The following KCTD19 variants were observed in gnomAD, a reference collection of about 807,000 sequenced individuals.
The protein encoded by KCTD19 is BTB/POZ domain-containing protein KCTD19.
Under a neutral mutation model 103.5 loss-of-function variants are expected in KCTD19, and 67 were observed. That is an observed-to-expected ratio of 0.65 (90% CI 0.53 to 0.79). The LOEUF is 0.79. Among genes scored for constraint, KCTD19 ranks in the 30% least tolerant of loss-of-function variants. The pLI is 0.00. For synonymous variants in KCTD19, 439 were observed against 452.2 expected, an observed-to-expected ratio of 0.97 and a Z score of 0.37; for missense variants, 980 against 1,136.1, an observed-to-expected ratio of 0.86 and a Z score of 1.98.
chr16:67,291,881 AT>A, intron 12 of KCTD19, 44 bp from the exon 13 acceptor site: 12 of 1,406,220 alleles, frequency 8.5e-6, no homozygotes, highest in Admixed American at 2.5e-5. Flanking sequence ...TTAAAAAAAA[AT>A]TTTTTTTCAA....
At chr16:67,297,411 C>T (rs1285409921) in intron 7 of KCTD19, 92 bp downstream of exon 7, 4 of 1,281,272 alleles carry the variant, frequency 3.1e-6, no homozygotes, top group African/African-American at 1.5e-5. Context: ...CCTCCATCTA[C>T]AGTTCCTCGT....
At chr16:67,302,241 A>C in intron 4 of KCTD19, 1 of 264,274 alleles carries the variant, frequency 3.8e-6, no homozygotes, top group Non-Finnish European at 7.3e-6. Flanking sequence ...AGAGCAGGTC[A>C]TTCCAAAAGA....
chr16:67,311,099 G>C (rs766194366), intron 2 of KCTD19, among the ~76,000 whole-genome samples: 23 of 152,220 alleles, frequency 1.5e-4, no homozygotes, highest in Non-Finnish European at 2.6e-4. Context: ...CAGGTACTGT[G>C]AGAGGTGCTA....
intron 2 of KCTD19, among the ~76,000 whole-genome samples, chr16:67,309,192 C>A (rs2036925830): frequency 6.6e-6 from 1 of 151,014 alleles, no homozygotes; most frequent in Non-Finnish European, 1.5e-5. Flanking sequence ...GGCTGATTCT[C>A]TGCAAAGAAA....
Position 67,289,527 on chromosome 16 carries a change from G to T in KCTD19, c.*42C>A. ...TCTGGGCTATCTCCAATTAAAATGA[G>T]ACTTGGCGGGTGGGGCATGAGGGGC... On this transcript the variant is annotated 3_prime_UTR_variant, in exon 16 of 16. Transcript: ENST00000304372. 1 of 1,199,020 alleles carries T rather than the reference G, an allele frequency of 8.3e-7. No homozygotes were observed. The highest frequency in any genetic ancestry group is 1.2e-6 in the Non-Finnish European group (1 of 803,090). 74.3% of individuals were successfully genotyped at this position (1,199,020 alleles called of 1,614,324 possible).
intron 4 of KCTD19, chr16:67,302,795 G>C (rs1270982345): frequency 3.9e-6 from 1 of 255,658 alleles, no homozygotes; most frequent in African/African-American, 2.3e-5. Context: ...GAGGCCGGAA[G>C]ACCAGCTGGA....
intron 2 of KCTD19, among the ~76,000 whole-genome samples, chr16:67,316,218 T>A (rs968310573): frequency 6.6e-6 from 1 of 151,942 alleles, no homozygotes; most frequent in Non-Finnish European, 1.5e-5. Flanking sequence ...ATTAAAAAAA[T>A]TTTTTTGTAG....
rs1386044039 is a variant in KCTD19 at position 67,300,464 on chromosome 16, A to G, written c.776-891T>C. ...GCTCCCAGAGCCTGGCTGTCAACAC[A>G]CTTCCTCCATCTTTGCATTGCTCTG... On this transcript the variant is annotated intron_variant, in intron 5 of 15. Transcript: ENST00000304372. The surrounding 1 kb of genome is among the most constrained non-coding windows in gnomAD (Gnocchi z 4.5). The G allele has an allele frequency of 1.3e-5, 2 of 152,208 alleles. No individual in the cohort carries two copies. The highest frequency in any genetic ancestry group is 6.5e-5 in the Admixed American group (1 of 15,272). 9.4% of individuals were successfully genotyped at this position (152,208 alleles called of 1,614,324 possible).
chr16:67,297,789 C>A, intron 6 of KCTD19, 126 bp from the exon 7 acceptor site: 1 of 848,452 alleles, frequency 1.2e-6, no homozygotes, highest in Non-Finnish European at 1.8e-6. Context: ...TCATTAACAT[C>A]GTTTCCTTGT....
chr16:67,291,415 G>T lies in KCTD19; in HGVS notation c.2459C>A (p.Ala820Glu). 1 of 1,614,194 alleles carries T rather than the reference G, an allele frequency of 6.2e-7. No homozygotes were observed. The highest frequency in any genetic ancestry group is 8.5e-7 in the Non-Finnish European group (1 of 1,180,022). ...FSLSWEEMFY[A>E]QKCHCFLADI... The stretch of plus-strand genomic sequence containing the variant: ...AGCCAGGAAGCAGTGACATTTCTGT[G>T]CATAAAACATCTCTTCCCAGGACAG... Residue 820 changes from alanine to glutamate, a missense_variant, in exon 14 of 16, where the codon GCA (alanine) becomes GAA (glutamate). By Grantham distance (107) the Ala-to-Glu change is moderately radical. Coordinates refer to ENST00000304372, the MANE Select transcript of KCTD19 (RefSeq NM_001100915.3).
In KCTD19 at chr16:67,289,651, C is replaced by T. The variant is rs1597390271; in HGVS notation, c.2699G>A (p.Arg900Gln). The change falls in exon 16 of 16, where the codon CGA becomes CAA. Residue 900 changes from arginine (R) to glutamine (Q), a missense_variant. Physicochemically the swap from Arg to Gln is conservative, Grantham distance 43 (BLOSUM62 1). Transcript: ENST00000304372. ...LTLPFARKYGRCMDLLIQRGL... is the reference protein window; with the variant it reads ...LTLPFARKYGQCMDLLIQRGL... ...CCTCTGGATGAGCAGGTCCATGCAT[C>T]GGCCATATTTCCTGGCGAAGGGCAG... The T allele has an allele frequency of 3.1e-6, 5 of 1,613,994 alleles. No individual in the cohort carries two copies. Among genetic ancestry groups the T allele is most frequent in the Non-Finnish European group, 2.5e-6 (3 of 1,179,936 alleles).
Position 67,303,108 on chromosome 16 carries a change from C to CGGGGGGGGGGGGGGGG in KCTD19, c.643+37_643+38insCCCCCCCCCCCCCCCC. ...ATGGGGAGGGGTGAATGGGCCCTATCAGCCCGCCCCCCACCCCACCCCGGA... is the reference window on the plus strand; with the variant it reads ...ATGGGGAGGGGTGAATGGGCCCTATCGGGGGGGGGGGGGGGGAGCCCGCCCCCCACCCCACCCCGGA... On this transcript the variant is annotated intron_variant, in intron 4 of 15. Transcript: ENST00000304372. The surrounding 1 kb of genome is among the most constrained non-coding windows in gnomAD (Gnocchi z 4.3). The CGGGGGGGGGGGGGGGG allele has an allele frequency of 2.5e-6, 2 of 798,078 alleles. No individual in the cohort carries two copies. Among genetic ancestry groups the CGGGGGGGGGGGGGGGG allele is most frequent in the Non-Finnish European group, 4.2e-6 (2 of 476,660 alleles). The allele number at this position is 798,078 out of a possible 1,614,324, so 49.4% of individuals were successfully genotyped here.
intron 2 of KCTD19, among the ~76,000 whole-genome samples, chr16:67,312,850 A>C (rs2036963288): frequency 6.6e-6 from 1 of 152,138 alleles, no homozygotes; most frequent in Non-Finnish European, 1.5e-5. Context: ...ATTATCTTTC[A>C]TCTGGATACT....
chr16:67,304,116 G>A (rs983978403), intron 3 of KCTD19, among the ~76,000 whole-genome samples: 1 of 152,222 alleles, frequency 6.6e-6, no homozygotes, highest in Non-Finnish European at 1.5e-5. Context: ...CATTCTGTGT[G>A]TGGTGGTTGG....
At position 67,291,413 on chromosome 16, in the gene KCTD19, G is replaced by T. The variant is rs1434797788; in HGVS notation, c.2461C>A (p.Gln821Lys). 3 of 1,614,202 alleles carry T rather than the reference G, an allele frequency of 1.9e-6. No homozygotes were observed. Among genetic ancestry groups the T allele is most frequent in the Non-Finnish European group, 2.5e-6 (3 of 1,180,018 alleles). The stretch of plus-strand genomic sequence containing the variant: ...TCAGCCAGGAAGCAGTGACATTTCT[G>T]TGCATAAAACATCTCTTCCCAGGAC... ...SLSWEEMFYA[Q>K]KCHCFLADII... Residue 821 changes from glutamine to lysine, a missense_variant, in exon 14 of 16, where the codon CAG becomes AAG. Transcript: ENST00000304372.
chr16:67,318,992 G>A (rs940274313), intron 2 of KCTD19, among the ~76,000 whole-genome samples: 1 of 152,194 alleles, frequency 6.6e-6, no homozygotes, highest in Non-Finnish European at 1.5e-5. Flanking sequence ...GGAGGCTGAG[G>A]CGGGTGGATC....
At position 67,293,778 on chromosome 16, in the gene KCTD19, G is replaced by A. The variant is rs1419817075; in HGVS notation, c.1984C>T (p.Pro662Ser). 2 of 1,613,866 alleles carry A rather than the reference G, an allele frequency of 1.2e-6. No individual in the cohort carries two copies. The highest frequency in any genetic ancestry group is 4.5e-5 in the East Asian group (2 of 44,870). The change falls in exon 12 of 16, where the codon CCC becomes TCC. Residue 662 changes from proline (P) to serine (S), a missense_variant. Pro to Ser is a moderately conservative substitution (Grantham distance 74). Transcript: ENST00000304372. This position sits in a 1 kb window ranked among gnomAD's most constrained non-coding sequence, Gnocchi z 4.0. ...AGCTGCAGGGTGGCCTCCTCCAAGGGGCTGCTCCGTGTGGCTGTCAGTGGC... is the reference window on the plus strand; with the variant it reads ...AGCTGCAGGGTGGCCTCCTCCAAGGAGCTGCTCCGTGTGGCTGTCAGTGGC... ...FQPLTATRSS[P>S]LEEATLQLPL...
At chr16:67,304,770 T>A (rs2036874273) in intron 2 of KCTD19, among the ~76,000 whole-genome samples, 199 bp from the exon 3 acceptor site, 2 of 152,002 alleles carry the variant, frequency 1.3e-5, no homozygotes, top group Non-Finnish European at 2.9e-5. Flanking sequence ...TTCAAGCGAT[T>A]CTCCTGCCTC....
chr16:67,295,327 G>A lies in KCTD19; in HGVS notation c.1327C>T (p.Gln443Ter). 3.1e-6 allele frequency: 5 copies of A among 1,614,178 alleles called. No individual in the cohort carries two copies. The highest frequency in any genetic ancestry group is 4.2e-6 in the Non-Finnish European group (5 of 1,180,030). The change falls in exon 9 of 16, where the codon CAG becomes TAG. Residue 443 changes from glutamine to a stop codon, truncating the protein, a stop_gained. Coordinates refer to ENST00000304372, the MANE Select transcript of KCTD19 (RefSeq NM_001100915.3). LOFTEE classifies it high-confidence loss of function. ...AAGTTGAGAATGTGTCGGAACATCT[G>A]GCCATCCCCGTGGATGAGCAGGGTT... ...GQTLLIHGDG[Q>*]MFRHILNFLR...
Sources: gnomAD v4.1 joint callset for allele counts (sites outside exome capture counted in the v4.1 genomes callset) on GRCh38, gnomAD v4.1.1 for gene constraint, Gnocchi (gnomAD v3.1) non-coding constraint, MANE v1.5 for transcripts, NCBI Gene and HGNC (gene_info 2026-07-23, HGNC 2026-07-21) for gene names.